Variants in PRRC1 observed in about 807,000 individuals in gnomAD.
PRRC1 encodes protein PRRC1.
Under a neutral mutation model 40.7 loss-of-function variants are expected in PRRC1, and 39 were observed. That is an observed-to-expected ratio of 0.96 (90% CI 0.74 to 1.25). The LOEUF is 1.25. Ranked by LOEUF, PRRC1 falls within the 50% of genes most tolerant of loss-of-function variation. PRRC1 has a pLI of 0.00. For missense variants in PRRC1, 573 were observed against 548.3 expected (o/e 1.05, Z -0.45); for synonymous variants, 175 against 193.3 (o/e 0.91, Z 0.79).
chr5:127,525,326 A>T (rs564094341), intron 3 of PRRC1, among the ~76,000 whole-genome samples: 3 of 152,336 alleles, frequency 2.0e-5, no homozygotes, highest in African/African-American at 4.8e-5. Flanking sequence ...TTCAAGGTTC[A>T]TCCATGTTGT....
rs552172737 is a variant in PRRC1, at chr5:127,554,620, G to C, written c.*2704G>C. 52 of 152,422 alleles carry C rather than the reference G, an allele frequency of 3.4e-4. No individual in the cohort carries two copies. The highest frequency in any genetic ancestry group is 1.2e-3 in the African/African-American group (49 of 41,532). 9.4% of individuals were successfully genotyped at this position (152,422 alleles called of 1,614,324 possible). A position where few individuals can be genotyped will look rare whatever the true frequency, so the allele number is the denominator to read the frequency against. Reference sequence around the variant, plus strand: ...GTGTCACAGACTTCTGAATGTTTAGGCAGTGCTAGTAATTTCCTCGTAATG... The same window carrying C: ...GTGTCACAGACTTCTGAATGTTTAGCCAGTGCTAGTAATTTCCTCGTAATG... On this transcript the variant is annotated 3_prime_UTR_variant, in exon 9 of 9. Coordinates refer to ENST00000296666, the MANE Select transcript of PRRC1 (RefSeq NM_130809.5).
At chr5:127,538,668 C>T (rs1266510598) in intron 6 of PRRC1, among the ~76,000 whole-genome samples, 1 of 151,958 alleles carries the variant, frequency 6.6e-6, no homozygotes, top group Non-Finnish European at 1.5e-5. Context: ...TGCAAAACTG[C>T]CAGAACTGAT....
rs1235441376 is a variant in PRRC1, at chr5:127,523,508, C to T, written c.29C>T (p.Thr10Ile). Residue 10 changes from threonine (T) to isoleucine (I), a missense_variant, in exon 2 of 9, where the codon ACA becomes ATA. Thr to Ile is a moderately conservative substitution (Grantham distance 89, BLOSUM62 -1). Transcript: ENST00000296666. ...ATGGAAGAGAGTGGAATAGAGACAA[C>T]ACCACCTGGGACTCCTCCACCAAAT... MMEESGIETTPPGTPPPNPA... is the reference protein window; with the variant it reads MMEESGIETIPPGTPPPNPA... 5.0e-6 allele frequency: 8 copies of T among 1,611,658 alleles called. No individual in the cohort carries two copies. The highest frequency in any genetic ancestry group is 1.7e-5 in the Admixed American group (1 of 59,326).
intron 2 of PRRC1, chr5:127,523,869 GTC>G (rs373514029): frequency 3.9e-6 from 1 of 255,728 alleles, no homozygotes; most frequent in African/African-American, 2.2e-5. Flanking sequence ...TGTTAGCTTT[GTC>G]TTCTGTTCTT....
Position 127,524,333 on chromosome 5 carries a change from T to G in PRRC1, c.104-198T>G, listed in dbSNP as rs896352829. ...AATGCCATAGGTTCATACAGCTGCT[T>G]CTTTTACTTATGGGAGTTGAAAGTC... On this transcript the variant is annotated intron_variant, in intron 2 of 8. Coordinates refer to ENST00000296666, the MANE Select transcript of PRRC1 (RefSeq NM_130809.5). Among the ~76,000 whole-genome samples the G allele has an allele frequency of 5.9e-5, 9 of 152,334 alleles. No individual in the cohort carries two copies. The South Asian group carries it at 6.2e-4, about 11-fold the overall frequency.
At chr5:127,540,591 T>G (rs961850573) in intron 7 of PRRC1, among the ~76,000 whole-genome samples, 3 of 152,138 alleles carry the variant, frequency 2.0e-5, no homozygotes, top group African/African-American at 7.2e-5. Context: ...AGCTTTTGTT[T>G]ATCTGAAAGT....
At chr5:127,540,177 G>A (rs1298029203) in intron 7 of PRRC1, among the ~76,000 whole-genome samples, 1 of 152,064 alleles carries the variant, frequency 6.6e-6, no homozygotes, top group Non-Finnish European at 1.5e-5. Context: ...AGGTTGATAA[G>A]TTTCAACTTT....
chr5:127,525,166 A>G (rs1047819618), intron 3 of PRRC1, among the ~76,000 whole-genome samples: 3 of 152,156 alleles, frequency 2.0e-5, no homozygotes, highest in Non-Finnish European at 4.4e-5. Flanking sequence ...CCAAATCCTC[A>G]CAGCTCTAGG....
At chr5:127,538,801 A>C (rs1000819141) in intron 6 of PRRC1, among the ~76,000 whole-genome samples, 7 of 152,104 alleles carry the variant, frequency 4.6e-5, no homozygotes, top group Admixed American at 1.3e-4. Context: ...CCACAATAGC[A>C]ACCAACATCA....
chr5:127,546,986 A>G (rs1768242958), intron 7 of PRRC1, among the ~76,000 whole-genome samples: 1 of 152,048 alleles, frequency 6.6e-6, no homozygotes, highest in African/African-American at 2.4e-5. Context: ...GTTACTGTAT[A>G]TTTTACTTTG....
At chr5:127,533,039 ATTACTC>A (rs1215092473) in intron 5 of PRRC1, among the ~76,000 whole-genome samples, 1 of 152,042 alleles carries the variant, frequency 6.6e-6, no homozygotes. Context: ...TTTATTTCGT[ATTACTC>A]TTAATATTTT....
chr5:127,521,384 T>C (rs1268645490), intron 1 of PRRC1, among the ~76,000 whole-genome samples: 1 of 151,436 alleles, frequency 6.6e-6, no homozygotes, highest in East Asian at 1.9e-4. Context: ...CTCATACCCC[T>C]GCTCTCTTTA....
At position 127,530,330 on chromosome 5, in the gene PRRC1, G is replaced by C; in HGVS notation, c.691G>C (p.Asp231His). The change falls in exon 5 of 9, where the codon GAT becomes CAT. Residue 231 changes from aspartate to histidine, a missense_variant. Coordinates refer to ENST00000296666, the MANE Select transcript of PRRC1 (RefSeq NM_130809.5). Reference protein sequence around the residue: ...AGNPMVKSVLDKTKHSVESMI... With the variant: ...AGNPMVKSVLHKTKHSVESMI... ...GAATCCTATGGTGAAGTCTGTGCTT[G>C]ATAAGACAAAACATTCAGTAGAAAG... 1 of 1,613,850 alleles carries C rather than the reference G, an allele frequency of 6.2e-7. No homozygotes were observed. The highest frequency in any genetic ancestry group is 2.2e-5 in the East Asian group (1 of 44,862).
intron 1 of PRRC1, 70 bp from the exon 2 acceptor site, chr5:127,523,390 C>T: frequency 1.6e-6 from 1 of 623,398 alleles, no homozygotes; most frequent in African/African-American, 1.9e-5. Context: ...TTTAGTCGTT[C>T]TCTATTCAAG....
At chr5:127,549,921 T>A (rs2127119428) in intron 8 of PRRC1, 1 of 152,240 alleles carries the variant, frequency 6.6e-6, no homozygotes, top group East Asian at 1.9e-4. Context: ...GGACAATTTT[T>A]ATGTTGTTTT....
chr5:127,553,474 A>C lies in PRRC1; in HGVS notation c.*1558A>C. ...ACTTTTGTCCAGGAGTAACAGGGAC[A>C]GAATACTTTCTTTCTTTCCTTCAAG... is the stretch of plus-strand genomic sequence containing the variant. On this transcript the variant is annotated 3_prime_UTR_variant, in exon 9 of 9. Transcript: ENST00000296666. 1.8e-6 allele frequency: 2 copies of C among 1,135,980 alleles called. No homozygotes were observed. The highest frequency in any genetic ancestry group is 4.1e-5 in the South Asian group (2 of 49,206). 70.4% of individuals were successfully genotyped at this position (1,135,980 alleles called of 1,614,324 possible). A position where few individuals can be genotyped will look rare whatever the true frequency, so the allele number is the denominator to read the frequency against.
At chr5:127,537,751 TTTACTTAA>T (rs781339223) in intron 6 of PRRC1, among the ~76,000 whole-genome samples, 1 of 151,944 alleles carries the variant, frequency 6.6e-6, no homozygotes, top group Non-Finnish European at 1.5e-5. Context: ...GGAATGAATG[TTTACTTAA>T]GCTTTTTAAA....
chr5:127,545,796 ATC>A (rs1768202439), intron 7 of PRRC1, among the ~76,000 whole-genome samples: 1 of 151,662 alleles, frequency 6.6e-6, no homozygotes, highest in South Asian at 2.1e-4. Context: ...AAAAAAAGTC[ATC>A]TCTCCATCTT....
Position 127,552,785 on chromosome 5 carries a change from AGAG to A in PRRC1, c.*871_*873del, listed in dbSNP as rs1281276054. Reference sequence around the variant, plus strand: ...ACACATTTTAATACAGAAATTTTTGAGAGGGGGTTACTTTATTGCTTGTGGGTT... The same window carrying A: ...ACACATTTTAATACAGAAATTTTTGAGGGGTTACTTTATTGCTTGTGGGTT... On this transcript the variant is annotated 3_prime_UTR_variant, in exon 9 of 9. Coordinates refer to ENST00000296666, the MANE Select transcript of PRRC1 (RefSeq NM_130809.5). The A allele has an allele frequency of 1.0e-6, 1 of 985,246 alleles. No homozygotes were observed. The highest frequency in any genetic ancestry group is 1.2e-6 in the Non-Finnish European group (1 of 829,550). 61.0% of individuals were successfully genotyped at this position (985,246 alleles called of 1,614,324 possible).
Sources: gnomAD v4.1 joint callset for allele counts (sites outside exome capture counted in the v4.1 genomes callset) on GRCh38, gnomAD v4.1.1 for gene constraint, MANE v1.5 for transcripts, NCBI Gene and HGNC (gene_info 2026-07-23, HGNC 2026-07-21) for gene names.